The following MTMR9 variants were observed in gnomAD, a reference collection of about 807,000 sequenced individuals.
MTMR9 encodes myotubularin-related protein 9.
A neutral mutation model predicts 69.5 loss-of-function variants in MTMR9; 39 were observed. The observed-to-expected ratio is 0.56, with a 90% CI of 0.43 to 0.73. The LOEUF (loss-of-function observed/expected upper bound fraction) is 0.73, where lower values mean the gene tolerates loss of function less well. Among genes scored for constraint, MTMR9 ranks in the 30% least tolerant of loss-of-function variants. The pLI, the probability that MTMR9 is intolerant of heterozygous loss-of-function variation, is 0.00. For missense variants in MTMR9, 900 were observed against 671.2 expected, an observed-to-expected ratio of 1.34 and a Z score of -3.77; for synonymous variants, 354 against 240.8, an observed-to-expected ratio of 1.47 and a Z score of -4.35.
At chr8:11,319,113 AAAC>A (rs1470254681) in intron 8 of MTMR9, 1 of 152,058 alleles carries the variant, frequency 6.6e-6, no homozygotes, top group Non-Finnish European at 1.5e-5. Flanking sequence ...TTAAAAAAAA[AAAC>A]AATTAGAAAG....
Position 11,316,695 on chromosome 8 carries a change from G to A in MTMR9, c.1136G>A (p.Arg379His), listed in dbSNP as rs760817821. 1.4e-5 allele frequency: 23 copies of A among 1,610,122 alleles called. No individual in the cohort carries two copies. The highest frequency in any genetic ancestry group is 2.2e-5 in the South Asian group (2 of 90,542). Residue 379 changes from arginine (R) to histidine (H), a missense_variant, in exon 8 of 10, where the codon CGC (arginine) becomes CAC (histidine). By Grantham distance (29) the Arg-to-His change is conservative. Coordinates refer to ENST00000221086, the MANE Select transcript of MTMR9 (RefSeq NM_015458.4). The stretch of plus-strand genomic sequence containing the variant: ...TAGGCTGGTCACCCATTCCAGCAGC[G>A]CTGTGCACAGTCAGCCTACTGTAAC... Reference protein sequence around the residue: ...WLQAGHPFQQRCAQSAYCNTK... With the variant: ...WLQAGHPFQQHCAQSAYCNTK...
intron 1 of MTMR9, among the ~76,000 whole-genome samples, chr8:11,293,487 G>T (rs150937516): frequency 9.9e-5 from 15 of 152,284 alleles, no homozygotes; most frequent in African/African-American, 3.6e-4. Flanking sequence ...ATAGCCTACA[G>T]GAATGCCCCG....
intron 3 of MTMR9, among the ~76,000 whole-genome samples, chr8:11,303,890 A>G (rs1389968779): frequency 6.6e-6 from 1 of 152,224 alleles, no homozygotes; most frequent in African/African-American, 2.4e-5. Flanking sequence ...GAAAAAATTT[A>G]ATTAAAAATG....
the MTMR9 span, among the ~76,000 whole-genome samples, chr8:11,336,803 C>T: frequency 4.6e-5 from 7 of 152,202 alleles, no homozygotes; most frequent in African/African-American, 1.7e-4. Context: ...TCGGAATCAC[C>T]TGCACATACA....
chr8:11,335,079 G>C, the MTMR9 span, among the ~76,000 whole-genome samples: 30 of 152,122 alleles, frequency 2.0e-4, no homozygotes, highest in Admixed American at 1.9e-3. Context: ...TATAACTAAT[G>C]CAATGAGACA....
In MTMR9 at chr8:11,326,985, A is replaced by G. The variant is rs1042954380; in HGVS notation, c.*4197A>G. On this transcript the variant is annotated 3_prime_UTR_variant, in exon 10 of 10. Transcript: ENST00000221086. ...ACTCCATCTCAAAAAAAAAAAAAAA[A>G]AAAGACTCATTTATCCATTTACATT... 6.6e-6 allele frequency: 1 copy of G among 152,042 alleles called. No homozygotes were observed. The highest frequency in any genetic ancestry group is 1.5e-5 in the Non-Finnish European group (1 of 68,010). The allele number at this position is 152,042 out of a possible 1,614,324, so 9.4% of individuals were successfully genotyped here. A position where few individuals can be genotyped will look rare whatever the true frequency, so the allele number is the denominator to read the frequency against.
At chr8:11,285,253 A>G (rs1321778558) in intron 1 of MTMR9, 183 bp downstream of exon 1, 5 of 576,200 alleles carry the variant, frequency 8.7e-6, no homozygotes, top group Admixed American at 7.0e-5. Context: ...CCCGGTTTCC[A>G]TTAAACCTGG....
rs776218165 is a variant in MTMR9 at position 11,284,987 on chromosome 8, C to G, written c.99C>G (p.Gly33=). 15 of 1,613,748 alleles carry G rather than the reference C, an allele frequency of 9.3e-6. No individual in the cohort carries two copies. Among genetic ancestry groups the G allele is most frequent in the Admixed American group, 8.3e-5 (5 of 59,966 alleles). The part of the protein sequence containing the change: ...PAVEGTLCLT[G]HHLILSSRQD... ...TCGAGGGCACCCTGTGCCTGACGGG[C>G]CACCACTTGATCCTGTCCTCCCGGC... is the stretch of plus-strand genomic sequence containing the variant. The change falls in exon 1 of 10, where the codon GGC becomes GGG. Residue 33 remains glycine (G), a synonymous_variant. Coordinates refer to ENST00000221086, the MANE Select transcript of MTMR9 (RefSeq NM_015458.4).
At chr8:11,304,770 T>A in intron 3 of MTMR9, 71 bp from the exon 4 acceptor site, 1 of 1,514,140 alleles carries the variant, frequency 6.6e-7, no homozygotes, top group South Asian at 1.2e-5. Context: ...TCTAAGGTCT[T>A]TTAAAATTTC....
At position 11,306,172 on chromosome 8, in the gene MTMR9, G is replaced by C. The variant is rs777128264; in HGVS notation, c.592-18G>C. 1 of 1,608,944 alleles carries C rather than the reference G, an allele frequency of 6.2e-7. No individual in the cohort carries two copies. Among genetic ancestry groups the C allele is most frequent in the Non-Finnish European group, 8.5e-7 (1 of 1,177,650 alleles). The stretch of plus-strand genomic sequence containing the variant: ...AAAAGCAACTGCTGTTGAATTTTCA[G>C]CTTTATTATGCTTCTAGGTAATTAT... On this transcript the variant is annotated intron_variant, in intron 4 of 9. Transcript: ENST00000221086.
chr8:11,335,633 A>C, the MTMR9 span, among the ~76,000 whole-genome samples: 1 of 152,238 alleles, frequency 6.6e-6, no homozygotes, highest in Non-Finnish European at 1.5e-5. Flanking sequence ...GAGGACTGAC[A>C]ATACTCAACT....
At position 11,303,520 on chromosome 8, in the gene MTMR9, GT is replaced by G. The variant is rs1453066753; in HGVS notation, c.418-1313del. Among the ~76,000 whole-genome samples, 8 of 151,804 alleles carry G rather than the reference GT, an allele frequency of 5.3e-5. No individual in the cohort carries two copies. The South Asian group carries it at 1.5e-3, about 28-fold the overall frequency. On this transcript the variant is annotated intron_variant, in intron 3 of 9. Transcript: ENST00000221086. ...AAAATAATAAATCTTTAGAAACTGT[GT>G]TTTTTTTAAATTAATTAATTAATTA...
Position 11,295,419 on chromosome 8 carries a change from C to G in MTMR9, c.291+117C>G, listed in dbSNP as rs192280375. ...TGTTCTCTGACTCAAATACTGAAGACTGATAGGAAAAGCCTCACCCTGGTT... is the reference window on the plus strand; with the variant it reads ...TGTTCTCTGACTCAAATACTGAAGAGTGATAGGAAAAGCCTCACCCTGGTT... On this transcript the variant is annotated intron_variant, in intron 2 of 9. Coordinates refer to ENST00000221086, the MANE Select transcript of MTMR9 (RefSeq NM_015458.4). 7.8e-5 allele frequency: 54 copies of G among 695,408 alleles called. No homozygotes were observed. The Admixed American group carries it at 9.0e-4, about 12-fold the overall frequency. 43.1% of individuals were successfully genotyped at this position (695,408 alleles called of 1,614,324 possible).
At chr8:11,332,802 A>C (rs746953183), downstream of MTMR9, among the ~76,000 whole-genome samples, 1 of 152,114 alleles carries the variant, frequency 6.6e-6, no homozygotes, top group Non-Finnish European at 1.5e-5. Context: ...AGGTTTCACT[A>C]TGTTGGCCAG....
intron 6 of MTMR9, among the ~76,000 whole-genome samples, chr8:11,312,969 A>G (rs1800262811): frequency 6.6e-6 from 1 of 152,266 alleles, no homozygotes; most frequent in Non-Finnish European, 1.5e-5. Flanking sequence ...AGGTCTCAAC[A>G]GTGGACTTAA....
intron 3 of MTMR9, among the ~76,000 whole-genome samples, chr8:11,304,306 T>C (rs1455362352): frequency 6.6e-6 from 1 of 152,228 alleles, no homozygotes; most frequent in African/African-American, 2.4e-5. Flanking sequence ...AGATAGTAGC[T>C]GTGTTCTCAT....
In MTMR9 at chr8:11,316,698, G is replaced by C. The variant is rs752190722; in HGVS notation, c.1139G>C (p.Cys380Ser). The change falls in exon 8 of 10, where the codon TGT becomes TCT. Residue 380 changes from cysteine to serine, a missense_variant. Coordinates refer to ENST00000221086, the MANE Select transcript of MTMR9 (RefSeq NM_015458.4). Reference protein sequence around the residue: ...LQAGHPFQQRCAQSAYCNTKQ... With the variant: ...LQAGHPFQQRSAQSAYCNTKQ... ...GCTGGTCACCCATTCCAGCAGCGCT[G>C]TGCACAGTCAGCCTACTGTAACACC... is the stretch of plus-strand genomic sequence containing the variant. 6.2e-7 allele frequency: 1 copy of C among 1,611,568 alleles called. No individual in the cohort carries two copies. The highest frequency in any genetic ancestry group is 8.5e-7 in the Non-Finnish European group (1 of 1,178,834).
At chr8:11,335,491 C>A in the MTMR9 span, among the ~76,000 whole-genome samples, 1 of 152,128 alleles carries the variant, frequency 6.6e-6, no homozygotes, top group African/African-American at 2.4e-5. Context: ...ATCAGTGCTT[C>A]CCATCTTGAT....
chr8:11,304,966 T>C lies in MTMR9; in HGVS notation c.543T>C (p.His181=), dbSNP rs762285077. 1.4e-5 allele frequency: 23 copies of C among 1,613,922 alleles called. No homozygotes were observed. The highest frequency in any genetic ancestry group is 1.6e-4 in the Middle Eastern group (1 of 6,080). Residue 181 remains histidine (H), a synonymous_variant, in exon 4 of 10, where the codon CAT becomes CAC. Transcript: ENST00000221086. ...TTCGGAAGGTAGCTACATTTCGACA[T>C]GGAGGGCGCTTCCCAGTACTAAGCT... ...EALRKVATFR[H]GGRFPVLSYY... is the part of the protein sequence containing the mutation.
Sources: gnomAD v4.1 joint callset for allele counts (sites outside exome capture counted in the v4.1 genomes callset) on GRCh38, gnomAD v4.1.1 for gene constraint, MANE v1.5 for transcripts, NCBI Gene and HGNC (gene_info 2026-07-23, HGNC 2026-07-21) for gene names.